The following USP15 variants were observed in gnomAD, a reference collection of about 807,000 sequenced individuals.
USP15 encodes the protein ubiquitin carboxyl-terminal hydrolase 15.
A neutral mutation model predicts 127.1 loss-of-function variants in USP15; 18 were observed. The ratio of observed to expected loss-of-function variants is 0.14; its 90% CI spans 0.10 to 0.21. The LOEUF (loss-of-function observed/expected upper bound fraction) is 0.21. USP15 is among the 10% of genes least tolerant of loss of function. USP15 has a pLI of 1.00. For missense variants in USP15, 805 were observed against 1,159.9 expected (o/e 0.69, Z 4.44); for synonymous variants, 364 against 393.7 (o/e 0.92, Z 0.89).
At chr12:62,265,579 C>T (rs551212160) in intron 1 of USP15, among the ~76,000 whole-genome samples, 1 of 152,274 alleles carries the variant, frequency 6.6e-6, no homozygotes, top group East Asian at 1.9e-4. Context: ...CAGAGTCTCG[C>T]TTCATCACCC....
chr12:62,272,640 C>G (rs2063370192), intron 1 of USP15, among the ~76,000 whole-genome samples: 1 of 151,984 alleles, frequency 6.6e-6, no homozygotes, highest in Non-Finnish European at 1.5e-5. Context: ...TATTCTCTTT[C>G]TCCCTGCCAA....
At chr12:62,356,672 AATCCTGCTC>A (rs908435418) in intron 8 of USP15, among the ~76,000 whole-genome samples, 3 of 152,158 alleles carry the variant, frequency 2.0e-5, no homozygotes, top group African/African-American at 7.2e-5. Flanking sequence ...TCAAATGAGT[AATCCTGCTC>A]ATAGTATAGT....
Position 62,410,226 on chromosome 12 carries a change from C to A in USP15, c.*5851C>A, listed in dbSNP as rs1160892006. 3.3e-5 allele frequency: 5 copies of A among 152,070 alleles called. No individual in the cohort carries two copies. Among genetic ancestry groups the A allele is most frequent in the African/African-American group, 1.2e-4 (5 of 41,420 alleles). 9.4% of individuals were successfully genotyped at this position (152,070 alleles called of 1,614,324 possible). ...TTAACTCATTTCCCCAAAAAGACCG[C>A]GACCTCCAGCCAGTCATTCAGTTCT... On this transcript the variant is annotated 3_prime_UTR_variant, in exon 22 of 22. Transcript: ENST00000280377.
intron 6 of USP15, chr12:62,335,664 T>C: frequency 1.0e-6 from 1 of 986,948 alleles, no homozygotes; most frequent in Non-Finnish European, 1.2e-6. Flanking sequence ...CATCTTCATC[T>C]TTAAAACCAA....
intron 7 of USP15, among the ~76,000 whole-genome samples, chr12:62,350,904 C>T (rs1386558671): frequency 6.6e-6 from 1 of 152,146 alleles, no homozygotes. Flanking sequence ...AGATTGCAGG[C>T]ATGAGCCACC....
chr12:62,324,813 T>C (rs1358818768), intron 5 of USP15, among the ~76,000 whole-genome samples: 1 of 151,982 alleles, frequency 6.6e-6, no homozygotes, highest in East Asian at 1.9e-4. Context: ...CTCTGAAACA[T>C]GCTTACATTT....
intron 6 of USP15, among the ~76,000 whole-genome samples, chr12:62,330,765 A>AC (rs1379099117): frequency 6.6e-6 from 1 of 151,434 alleles, no homozygotes; most frequent in African/African-American, 2.4e-5. Flanking sequence ...TACAAAAAAA[A>AC]AAAAACAAAA....
At position 62,415,586 on chromosome 12, in the gene USP15, CCT is replaced by C. The variant is rs1236078233; in HGVS notation, c.*11216_*11217del. 1 of 152,276 alleles carries C rather than the reference CCT, an allele frequency of 6.6e-6. No homozygotes were observed. The highest frequency in any genetic ancestry group is 1.5e-5 in the Non-Finnish European group (1 of 68,090). The allele number at this position is 152,276 out of a possible 1,614,324, so 9.4% of individuals were successfully genotyped here. A position where few individuals can be genotyped will look rare whatever the true frequency, so the allele number is the denominator to read the frequency against. On this transcript the variant is annotated 3_prime_UTR_variant, in exon 22 of 22. Transcript: ENST00000280377. ...ACTCACCTCACCTCTCTGCCTTTCACCTCTCTGTAAACTAGAGCAGCTCCCGA... is the reference window on the plus strand; with the variant it reads ...ACTCACCTCACCTCTCTGCCTTTCACCTCTGTAAACTAGAGCAGCTCCCGA...
intron 21 of USP15, 95 bp from the exon 22 acceptor site, chr12:62,404,098 C>A: frequency 7.5e-7 from 1 of 1,337,530 alleles, no homozygotes; most frequent in Non-Finnish European, 9.7e-7. Context: ...TGATTTATGC[C>A]CTCTTACCAA....
intron 1 of USP15, among the ~76,000 whole-genome samples, chr12:62,271,602 G>A (rs901986944): frequency 1.1e-4 from 16 of 151,554 alleles, no homozygotes; most frequent in African/African-American, 3.4e-4. Flanking sequence ...TAATTCTCCC[G>A]GTGTAGAAAA....
At chr12:62,332,048 C>G (rs2137331056) in intron 6 of USP15, among the ~76,000 whole-genome samples, 2 of 152,076 alleles carry the variant, frequency 1.3e-5, no homozygotes, top group South Asian at 4.1e-4. Flanking sequence ...CCTGTAGTCC[C>G]AGCTACTCGG....
intron 3 of USP15, among the ~76,000 whole-genome samples, chr12:62,306,473 T>C (rs959836694): frequency 6.6e-6 from 1 of 152,154 alleles, no homozygotes; most frequent in Non-Finnish European, 1.5e-5. Flanking sequence ...AGGAAAGTCT[T>C]ACTGGAAACT....
intron 8 of USP15, among the ~76,000 whole-genome samples, chr12:62,356,969 A>T (rs543771429): frequency 1.3e-5 from 2 of 152,064 alleles, no homozygotes; most frequent in African/African-American, 4.8e-5. Flanking sequence ...CAGATCACCA[A>T]GTTATATTAA....
At chr12:62,364,152 A>G (rs2066405060) in intron 8 of USP15, among the ~76,000 whole-genome samples, 2 of 152,184 alleles carry the variant, frequency 1.3e-5, no homozygotes. Context: ...GACGTCCGAG[A>G]ACTAAGCCCT....
intron 8 of USP15, among the ~76,000 whole-genome samples, chr12:62,368,015 T>A (rs1222303327): frequency 6.6e-6 from 1 of 152,230 alleles, no homozygotes; most frequent in Non-Finnish European, 1.5e-5. Context: ...TGTATCTTTG[T>A]TCTCATTGGT....
intron 20 of USP15, among the ~76,000 whole-genome samples, chr12:62,397,999 CG>C (rs1394944144): frequency 1.0e-4 from 10 of 96,248 alleles, no homozygotes; most frequent in South Asian, 5.9e-4. Flanking sequence ...TTTATCTATA[CG>C]TTTTTTTTTT....
Position 62,389,664 on chromosome 12 carries a change from C to T in USP15, c.1617C>T (p.Asn539=). 1 of 1,612,712 alleles carries T rather than the reference C, an allele frequency of 6.2e-7. No homozygotes were observed. The highest frequency in any genetic ancestry group is 8.5e-7 in the Non-Finnish European group (1 of 1,179,350). ...RFHRIFAMDE[N]LSSIMERDDI... Reference sequence around the variant, plus strand: ...ACAGAATATTCGCTATGGATGAAAACCTTAGTAGTATTATGGAACGGGATG... The same window carrying T: ...ACAGAATATTCGCTATGGATGAAAATCTTAGTAGTATTATGGAACGGGATG... The change falls in exon 13 of 22, where the codon AAC becomes AAT. Residue 539 remains asparagine, a synonymous_variant. Coordinates refer to ENST00000280377, the MANE Select transcript of USP15 (RefSeq NM_001252078.2).
chr12:62,315,213 T>G (rs2064798865), intron 4 of USP15: 1 of 179,446 alleles, frequency 5.6e-6, no homozygotes, highest in Admixed American at 6.2e-5. Flanking sequence ...AAATAAAAAC[T>G]TAATTAAAAC....
At chr12:62,325,160 C>T (rs573505396) in intron 5 of USP15, among the ~76,000 whole-genome samples, 10 of 151,952 alleles carry the variant, frequency 6.6e-5, no homozygotes, top group South Asian at 2.1e-4. Flanking sequence ...TTAGACTGGA[C>T]GATATAAGGA....
Sources: allele counts gnomAD v4.1 joint callset (sites outside exome capture counted in the v4.1 genomes callset), GRCh38; gene constraint gnomAD v4.1.1; transcripts MANE v1.5; gene names NCBI Gene and HGNC (gene_info 2026-07-23, HGNC 2026-07-21).